The following ZC3H6 variants were observed in gnomAD, a reference collection of about 807,000 sequenced individuals.
The protein encoded by ZC3H6 is zinc finger CCCH-type containing 6.
Under a neutral mutation model 107.7 loss-of-function variants are expected in ZC3H6, and 40 were observed. The ratio of observed to expected loss-of-function variants is 0.37; its 90% CI spans 0.29 to 0.48. The LOEUF is 0.48. Among genes scored for constraint, ZC3H6 ranks in the 20% least tolerant of loss-of-function variants. The pLI, the probability that ZC3H6 is intolerant of heterozygous loss-of-function variation, is 0.98. For synonymous variants in ZC3H6, 493 were observed against 487.9 expected, an observed-to-expected ratio of 1.01 and a Z score of -0.14; for missense variants, 1,267 against 1,410.4, an observed-to-expected ratio of 0.90 and a Z score of 1.63.
At chr2:112,289,322 C>CA (rs1553491895) in intron 1 of ZC3H6, among the ~76,000 whole-genome samples, 2 of 65,458 alleles carry the variant, frequency 3.1e-5, no homozygotes, top group Non-Finnish European at 6.7e-5. Flanking sequence ...TTTTCTTTTT[C>CA]TTTTTTTTTT....
intron 7 of ZC3H6, among the ~76,000 whole-genome samples, chr2:112,320,939 T>G (rs1676790117): frequency 6.6e-6 from 1 of 152,100 alleles, no homozygotes; most frequent in Non-Finnish European, 1.5e-5. Context: ...AAGTATATTT[T>G]TATTTTACTA....
At chr2:112,317,106 A>G in intron 6 of ZC3H6, 115 bp from the exon 7 acceptor site, 2 of 602,436 alleles carry the variant, frequency 3.3e-6, no homozygotes, top group South Asian at 2.5e-5. Context: ...AAGACTGAAG[A>G]TAATGACCAT....
intron 9 of ZC3H6, among the ~76,000 whole-genome samples, chr2:112,323,906 T>C (rs1676851830): frequency 3.3e-5 from 5 of 152,204 alleles, no homozygotes; most frequent in Admixed American, 1.3e-4. Flanking sequence ...CTTTGTACTT[T>C]TCTGTGTTTT....
At chr2:112,322,572 C>A (rs768162480) in intron 8 of ZC3H6, 77 bp from the exon 9 acceptor site, 1 of 1,451,068 alleles carries the variant, frequency 6.9e-7, no homozygotes, top group Non-Finnish European at 9.2e-7. Context: ...TTTCTACTAA[C>A]CAAACTTAAG....
intron 5 of ZC3H6, among the ~76,000 whole-genome samples, chr2:112,315,706 G>T (rs955490959): frequency 1.3e-5 from 2 of 151,616 alleles, no homozygotes; most frequent in Non-Finnish European, 2.9e-5. Flanking sequence ...AGCGATTCTC[G>T]TGCCTCAGCC....
chr2:112,325,511 A>G (rs1178126951), intron 11 of ZC3H6, among the ~76,000 whole-genome samples: 4 of 152,150 alleles, frequency 2.6e-5, no homozygotes, highest in Non-Finnish European at 5.9e-5. Context: ...TCTATTTCCA[A>G]TGTATTTCAT....
chr2:112,322,508 T>C (rs2104720887), intron 8 of ZC3H6, 141 bp from the exon 9 acceptor site: 1 of 913,272 alleles, frequency 1.1e-6, no homozygotes, highest in Non-Finnish European at 1.6e-6. Flanking sequence ...TCCAAGGTGT[T>C]GAGATTAAAG....
At chr2:112,319,086 A>G (rs1014304674) in intron 7 of ZC3H6, among the ~76,000 whole-genome samples, 2 of 152,212 alleles carry the variant, frequency 1.3e-5, no homozygotes, top group African/African-American at 4.8e-5. Flanking sequence ...TCCTGATCTG[A>G]AGAAAGGAAT....
At chr2:112,282,417 G>A (rs1015685110) in intron 1 of ZC3H6, among the ~76,000 whole-genome samples, 1 of 152,184 alleles carries the variant, frequency 6.6e-6, no homozygotes, top group Non-Finnish European at 1.5e-5. Context: ...AACCAGGCTA[G>A]CATTTGTTTA....
intron 7 of ZC3H6, among the ~76,000 whole-genome samples, chr2:112,318,863 A>AG (rs1050259443): frequency 3.3e-4 from 50 of 152,204 alleles, no homozygotes; most frequent in African/African-American, 1.2e-3. Context: ...AACACCTGAA[A>AG]GGACTGATCA....
Position 112,331,422 on chromosome 2 carries a change from A to C in ZC3H6, c.2504A>C (p.Lys835Thr). Residue 835 changes from lysine to threonine, a missense_variant, in exon 12 of 12, where the codon AAA (lysine) becomes ACA (threonine). By Grantham distance (78) the Lys-to-Thr change is moderately conservative. This residue lies in a region of ZC3H6 where 925 missense variants were observed against 1,025.7 expected (regional missense o/e 0.90). Coordinates refer to ENST00000409871, the MANE Select transcript of ZC3H6 (RefSeq NM_198581.3). The part of the protein sequence containing the change: ...DEDTERELRE[K>T]AFLIPLDASP... Reference sequence around the variant, plus strand: ...GATACAGAAAGAGAACTGAGAGAAAAAGCTTTCTTAATACCTTTGGATGCC... The same window carrying C: ...GATACAGAAAGAGAACTGAGAGAAACAGCTTTCTTAATACCTTTGGATGCC... The C allele has an allele frequency of 6.2e-7, 1 of 1,613,584 alleles. No homozygotes were observed.
intron 1 of ZC3H6, among the ~76,000 whole-genome samples, chr2:112,276,676 G>A (rs2104687750): frequency 6.6e-6 from 1 of 152,202 alleles, no homozygotes; most frequent in East Asian, 1.9e-4. Flanking sequence ...TCTAGATGGT[G>A]TGTATCACTT....
chr2:112,280,763 A>T (rs1167693326), intron 1 of ZC3H6, among the ~76,000 whole-genome samples: 2 of 152,174 alleles, frequency 1.3e-5, no homozygotes, highest in Non-Finnish European at 2.9e-5. Context: ...TGGCACAAGT[A>T]GGTTCAGGGA....
At chr2:112,301,700 T>C in intron 2 of ZC3H6, among the ~76,000 whole-genome samples, 1 of 151,758 alleles carries the variant, frequency 6.6e-6, no homozygotes, top group Non-Finnish European at 1.5e-5. Context: ...GAAAACAATA[T>C]AAGCTATGCT....
intron 7 of ZC3H6, 132 bp downstream of exon 7, chr2:112,317,464 C>T: frequency 2.0e-6 from 1 of 501,074 alleles, no homozygotes; most frequent in Non-Finnish European, 3.5e-6. Flanking sequence ...ATTACATAAA[C>T]CCAGTCTAGT....
Position 112,319,054 on chromosome 2 carries a change from C to A in ZC3H6, c.976+1722C>A, listed in dbSNP as rs148071804. 7.2e-4 allele frequency among the ~76,000 whole-genome samples: 109 copies of A among 152,222 alleles called. 1 individual carries two copies. Among genetic ancestry groups the A allele is most frequent in the African/African-American group, 2.6e-3 (106 of 41,540 alleles). On this transcript the variant is annotated intron_variant, in intron 7 of 11. Coordinates refer to ENST00000409871, the MANE Select transcript of ZC3H6 (RefSeq NM_198581.3). ...ACTTGGGAGATGTATTAACTAGATACAATTTGTGGATCATCTTTATGTCCT... is the reference window on the plus strand; with the variant it reads ...ACTTGGGAGATGTATTAACTAGATAAAATTTGTGGATCATCTTTATGTCCT...
chr2:112,300,852 A>T (rs1260243539), intron 2 of ZC3H6, among the ~76,000 whole-genome samples: 1 of 152,192 alleles, frequency 6.6e-6, no homozygotes, highest in East Asian at 1.9e-4. Context: ...CTGAGAAATC[A>T]TGGACAAGTT....
intron 5 of ZC3H6, among the ~76,000 whole-genome samples, chr2:112,316,192 T>C (rs527788382): frequency 6.6e-6 from 1 of 152,284 alleles, no homozygotes; most frequent in East Asian, 1.9e-4. Flanking sequence ...TTTGCCCAAA[T>C]TGAGAATTGT....
Position 112,337,255 on chromosome 2 carries a change from G to A in ZC3H6, c.*4767G>A, listed in dbSNP as rs189072354. The A allele has an allele frequency of 6.6e-6, 1 of 151,730 alleles. No individual in the cohort carries two copies. The highest frequency in any genetic ancestry group is 1.5e-5 in the Non-Finnish European group (1 of 67,962). 9.4% of individuals were successfully genotyped at this position (151,730 alleles called of 1,614,324 possible). On this transcript the variant is annotated 3_prime_UTR_variant, in exon 12 of 12. Transcript: ENST00000409871. The stretch of plus-strand genomic sequence containing the variant: ...TGATCAATAATTTATTCCTATAAAG[G>A]TCTGCAGGATTTTTTCTGTAACCAG...
Sources: allele counts gnomAD v4.1 joint callset (sites outside exome capture counted in the v4.1 genomes callset), GRCh38; gene constraint gnomAD v4.1.1; regional missense constraint gnomAD v4.1.1; transcripts MANE v1.5; gene names NCBI Gene and HGNC (gene_info 2026-07-23, HGNC 2026-07-21).